Variants in TMEM127 observed in about 807,000 individuals in gnomAD.
The protein encoded by TMEM127 is transmembrane protein 127.
TMEM127 carries 21 observed loss-of-function variants against 20.1 expected under a neutral mutation model. That is an observed-to-expected ratio of 1.04 (90% CI 0.74 to 1.50). The LOEUF is 1.50. Among genes scored for constraint, TMEM127 ranks in the 40% most tolerant of loss-of-function variants. The pLI, the probability that TMEM127 is intolerant of heterozygous loss-of-function variation, is 0.00. For missense variants in TMEM127, 303 were observed against 317.4 expected (o/e 0.95, Z 0.34); for synonymous variants, 150 against 144.7 (o/e 1.04, Z -0.26).
At position 96,265,343 on chromosome 2, in the gene TMEM127, G is replaced by A. The variant is rs1060503975; in HGVS notation, c.39C>T (p.Arg13=). Residue 13 remains arginine, a synonymous_variant, in exon 2 of 4, where the codon CGC becomes CGT. Transcript: ENST00000258439. The part of the protein sequence containing the change: ...APGGAGLPGG[R]RRRSPGGSAL... Reference sequence around the variant, plus strand: ...CGCTGCCTCCCGGGCTCCTCCGCCGGCGCCCGCCGGGCAGCCCTGCGCCTC... The same window carrying A: ...CGCTGCCTCCCGGGCTCCTCCGCCGACGCCCGCCGGGCAGCCCTGCGCCTC... The A allele has an allele frequency of 6.6e-6, 10 of 1,507,538 alleles. No homozygotes were observed. The South Asian group carries it at 7.5e-5, about 11-fold the overall frequency. The allele number at this position is 1,507,538 out of a possible 1,614,324, so 93.4% of individuals were successfully genotyped here.
chr2:96,253,265 C>G lies in TMEM127; in HGVS notation c.*543G>C, dbSNP rs774521440. On this transcript the variant is annotated 3_prime_UTR_variant, in exon 4 of 4. Coordinates refer to ENST00000258439, the MANE Select transcript of TMEM127 (RefSeq NM_017849.4). This position sits in a 1 kb window ranked among gnomAD's most constrained non-coding sequence, Gnocchi z 4.3. ...CCTCTCCCCATAAAACCAGGGCACA[C>G]GTGAGGAGAAGTCCAAAGAGTAAAG... 1.3e-5 allele frequency: 3 copies of G among 235,592 alleles called. No individual in the cohort carries two copies. The highest frequency in any genetic ancestry group is 2.5e-5 in the Non-Finnish European group (3 of 119,400). The allele number at this position is 235,592 out of a possible 1,614,324, so 14.6% of individuals were successfully genotyped here.
At chr2:96,257,479 A>G (rs1183422561) in intron 2 of TMEM127, among the ~76,000 whole-genome samples, 1 of 152,012 alleles carries the variant, frequency 6.6e-6, no homozygotes, top group Non-Finnish European at 1.5e-5. Flanking sequence ...AAAACAAAAC[A>G]AAAAAACAAA....
chr2:96,265,072 C>T, intron 2 of TMEM127, 66 bp downstream of exon 2: 1 of 1,600,678 alleles, frequency 6.2e-7, no homozygotes, highest in Non-Finnish European at 8.5e-7. Context: ...CTGGCTATCT[C>T]TGCTTCAGCC....
chr2:96,265,349 G>A lies in TMEM127; in HGVS notation c.33C>T (p.Gly11=), dbSNP rs1268280072. The A allele has an allele frequency of 4.0e-6, 6 of 1,503,156 alleles. No individual in the cohort carries two copies. The highest frequency in any genetic ancestry group is 5.3e-6 in the Non-Finnish European group (6 of 1,131,036). The allele number at this position is 1,503,156 out of a possible 1,614,324, so 93.1% of individuals were successfully genotyped here. MYAPGGAGLP[G]GRRRRSPGGS... is the part of the protein sequence containing the mutation. ...CTCCCGGGCTCCTCCGCCGGCGCCCGCCGGGCAGCCCTGCGCCTCCGGGGG... is the reference window on the plus strand; with the variant it reads ...CTCCCGGGCTCCTCCGCCGGCGCCCACCGGGCAGCCCTGCGCCTCCGGGGG... The change falls in exon 2 of 4, where the codon GGC becomes GGT. Residue 11 remains glycine, a synonymous_variant. Transcript: ENST00000258439.
chr2:96,253,753 G>C lies in TMEM127; in HGVS notation c.*55C>G. 6.4e-7 allele frequency: 1 copy of C among 1,561,404 alleles called. No individual in the cohort carries two copies. The highest frequency in any genetic ancestry group is 8.7e-7 in the Non-Finnish European group (1 of 1,149,576). On this transcript the variant is annotated 3_prime_UTR_variant, in exon 4 of 4. Transcript: ENST00000258439. The surrounding 1 kb of genome is among the most constrained non-coding windows in gnomAD (Gnocchi z 4.3). ...GGGAAAGGAGCTCCTCTGGGTGCGA[G>C]AGGAGCTGCAGAGTTGAGGGAGGGG...
Position 96,251,274 on chromosome 2 carries a change from T to A in TMEM127, c.*2534A>T. On this transcript the variant is annotated 3_prime_UTR_variant, in exon 4 of 4. Coordinates refer to ENST00000258439, the MANE Select transcript of TMEM127 (RefSeq NM_017849.4). ...GGTTCATGCCTATAATCCCAGCACT[T>A]TGGGAGGCCAAGGTGGGTGGATAAC... is the stretch of plus-strand genomic sequence containing the variant. 4.9e-6 allele frequency: 1 copy of A among 203,100 alleles called. No homozygotes were observed. 12.6% of individuals were successfully genotyped at this position (203,100 alleles called of 1,614,324 possible). A position where few individuals can be genotyped will look rare whatever the true frequency, so the allele number is the denominator to read the frequency against.
rs897914807 is a variant in TMEM127, at chr2:96,253,009, A to G, written c.*799T>C. 8.6e-6 allele frequency: 2 copies of G among 233,214 alleles called. No homozygotes were observed. Among genetic ancestry groups the G allele is most frequent in the Non-Finnish European group, 1.7e-5 (2 of 118,066 alleles). The allele number at this position is 233,214 out of a possible 1,614,324, so 14.4% of individuals were successfully genotyped here. On this transcript the variant is annotated 3_prime_UTR_variant, in exon 4 of 4. Coordinates refer to ENST00000258439, the MANE Select transcript of TMEM127 (RefSeq NM_017849.4). This position sits in a 1 kb window ranked among gnomAD's most constrained non-coding sequence, Gnocchi z 4.3. ...AAAAAGTGACAACAGTCTTGTCCCT[A>G]TTTTAAAAACAGAATATTGTTGCTG... is the stretch of plus-strand genomic sequence containing the variant.
intron 2 of TMEM127, chr2:96,260,460 C>T (rs925066422): frequency 2.6e-5 from 4 of 152,220 alleles, no homozygotes; most frequent in African/African-American, 9.7e-5. Flanking sequence ...TGGTGCAGTC[C>T]ACGATGCCCT....
Position 96,253,957 on chromosome 2 carries a change from C to T in TMEM127, c.568G>A (p.Ala190Thr), listed in dbSNP as rs373781978. 6.2e-7 allele frequency: 1 copy of T among 1,614,096 alleles called. No homozygotes were observed. The highest frequency in any genetic ancestry group is 8.5e-7 in the Non-Finnish European group (1 of 1,180,016). The change falls in exon 4 of 4, where the codon GCC (alanine) becomes ACC (threonine). Residue 190 changes from alanine (A) to threonine (T), a missense_variant. Transcript: ENST00000258439. The surrounding 1 kb of genome is among the most constrained non-coding windows in gnomAD (Gnocchi z 4.3). ...VAGAGGASILATAANLLRHYP... is the reference protein window; with the variant it reads ...VAGAGGASILTTAANLLRHYP... ...TGGCGCAGGAGGTTGGCTGCCGTGGCCAGGATTGAGGCTCCACCAGCTCCT... is the reference window on the plus strand; with the variant it reads ...TGGCGCAGGAGGTTGGCTGCCGTGGTCAGGATTGAGGCTCCACCAGCTCCT...
chr2:96,260,268 GAGTC>G (rs1394519721), intron 2 of TMEM127, among the ~76,000 whole-genome samples: 1 of 152,226 alleles, frequency 6.6e-6, no homozygotes, highest in Non-Finnish European at 1.5e-5. Context: ...GACTCTTCTG[GAGTC>G]AGTATCTCAA....
chr2:96,265,636 A>G (rs1684406317), intron 1 of TMEM127, 124 bp from the exon 2 acceptor site: 1 of 384,738 alleles, frequency 2.6e-6, no homozygotes, highest in African/African-American at 2.1e-5. Flanking sequence ...ACGACAACCG[A>G]AGAGGGCCAG....
At position 96,265,152 on chromosome 2, in the gene TMEM127, G is replaced by A. The variant is rs368949257; in HGVS notation, c.230C>T (p.Pro77Leu). The A allele has an allele frequency of 3.1e-6, 5 of 1,611,706 alleles. No individual in the cohort carries two copies. In the East Asian group the frequency reaches 6.7e-5, roughly 22 times the overall value. ...GVSDVLGYVHPDLLKDFCMNP... is the reference protein window; with the variant it reads ...GVSDVLGYVHLDLLKDFCMNP... ...AGCACCCTCACCTTTCAGCAGGTCC[G>A]GGTGCACATAGCCCAACACGTCGGA... The change falls in exon 2 of 4, where the codon CCG becomes CTG. Residue 77 changes from proline to leucine, a missense_variant. By Grantham distance (98) the Pro-to-Leu change is moderately conservative. Transcript: ENST00000258439.
At chr2:96,264,802 C>T (rs924402594) in intron 2 of TMEM127, among the ~76,000 whole-genome samples, 16 of 152,306 alleles carry the variant, frequency 1.1e-4, no homozygotes, top group African/African-American at 3.8e-4. Flanking sequence ...CCCAAAGAAG[C>T]TTTTCCGTAT....
rs121908828 is a variant in TMEM127, at chr2:96,254,106, C to A, written c.419G>T (p.Cys140Phe). Residue 140 changes from cysteine to phenylalanine, a missense_variant, in exon 4 of 4, where the codon TGT (cysteine) becomes TTT (phenylalanine). Coordinates refer to ENST00000258439, the MANE Select transcript of TMEM127 (RefSeq NM_017849.4). Reference protein sequence around the residue: ...AFAHILTVLQCATVIGFSYWA... With the variant: ...AFAHILTVLQFATVIGFSYWA... ...ATAAGAAAAGCCAATGACGGTGGCA[C>A]ACTGCAGAACTAGGAGACAGAGGGA... The A allele has an allele frequency of 1.2e-6, 2 of 1,613,854 alleles. No homozygotes were observed. Among genetic ancestry groups the A allele is most frequent in the Non-Finnish European group, 1.7e-6 (2 of 1,180,050 alleles).
intron 2 of TMEM127, among the ~76,000 whole-genome samples, chr2:96,264,476 A>C (rs1458785480): frequency 2.6e-5 from 4 of 152,208 alleles, no homozygotes; most frequent in Non-Finnish European, 5.9e-5. Context: ...CTCACACTTC[A>C]CAATTTTTAC....
In TMEM127 at chr2:96,254,833, C is replaced by G. The variant is rs1425215854; in HGVS notation, c.409G>C (p.Val137Leu). The G allele has an allele frequency of 6.2e-7, 1 of 1,614,056 alleles. No individual in the cohort carries two copies. Among genetic ancestry groups the G allele is most frequent in the East Asian group, 2.2e-5 (1 of 44,882 alleles). Residue 137 changes from valine to leucine, a missense_variant and splice_region_variant, in exon 3 of 4, where the codon GTT becomes CTT. Transcript: ENST00000258439. ...CACTGTGAGCAGGCTCACGGCTTAC[C>G]CGTTAGGATATGGGCGAAGGCATAG... ...RRYAFAHILT[V>L]LQCATVIGFS...
rs1684055009 is a variant in TMEM127 at position 96,250,041 on chromosome 2, T to C, written c.*3767A>G. Reference sequence around the variant, plus strand: ...TGGCTGAGACACTGGGCCCTGGGATTGACTGTGACCGCCCTCTTCCCCTTT... The same window carrying C: ...TGGCTGAGACACTGGGCCCTGGGATCGACTGTGACCGCCCTCTTCCCCTTT... On this transcript the variant is annotated 3_prime_UTR_variant, in exon 4 of 4. Transcript: ENST00000258439. 4.3e-6 allele frequency: 1 copy of C among 233,260 alleles called. No individual in the cohort carries two copies. The highest frequency in any genetic ancestry group is 8.5e-6 in the Non-Finnish European group (1 of 118,126). The allele number at this position is 233,260 out of a possible 1,614,324, so 14.4% of individuals were successfully genotyped here.
In TMEM127 at chr2:96,254,848, C is replaced by T. The variant is rs750870974; in HGVS notation, c.394G>A (p.Ala132Thr). 121 of 1,613,944 alleles carry T rather than the reference C, an allele frequency of 7.5e-5. No individual in the cohort carries two copies. The East Asian group carries it at 2.1e-3, about 29-fold the overall frequency. The part of the protein sequence containing the change: ...ALKITRRYAF[A>T]HILTVLQCAT... Reference sequence around the variant, plus strand: ...CACGGCTTACCCGTTAGGATATGGGCGAAGGCATAGCGACGAGTGATCTTC... The same window carrying T: ...CACGGCTTACCCGTTAGGATATGGGTGAAGGCATAGCGACGAGTGATCTTC... The change falls in exon 3 of 4, where the codon GCC becomes ACC. Residue 132 changes from alanine (A) to threonine (T), a missense_variant. By Grantham distance (58) the Ala-to-Thr change is moderately conservative (BLOSUM62 0). Coordinates refer to ENST00000258439, the MANE Select transcript of TMEM127 (RefSeq NM_017849.4).
At position 96,248,669 on chromosome 2, in the gene TMEM127, TCTATCTCG is replaced by T. The variant is rs898093338; in HGVS notation, c.*5131_*5138del. ...CATGGGGGCATCTGGGGCTACATGGTCTATCTCGCTACACAAGGAGGCCCTTTACAAGG... is the reference window on the plus strand; with the variant it reads ...CATGGGGGCATCTGGGGCTACATGGTCTACACAAGGAGGCCCTTTACAAGG... On this transcript the variant is annotated 3_prime_UTR_variant, in exon 4 of 4. Transcript: ENST00000258439. 21 of 225,738 alleles carry T rather than the reference TCTATCTCG, an allele frequency of 9.3e-5. No homozygotes were observed. The highest frequency in any genetic ancestry group is 4.7e-4 in the African/African-American group (21 of 44,774). The allele number at this position is 225,738 out of a possible 1,614,324, so 14.0% of individuals were successfully genotyped here. A position where few individuals can be genotyped will look rare whatever the true frequency, so the allele number is the denominator to read the frequency against.
Sources: gnomAD v4.1 joint callset for allele counts (sites outside exome capture counted in the v4.1 genomes callset) on GRCh38, gnomAD v4.1.1 for gene constraint, Gnocchi (gnomAD v3.1) non-coding constraint, MANE v1.5 for transcripts, NCBI Gene and HGNC (gene_info 2026-07-23, HGNC 2026-07-21) for gene names.